The following GTF2F2 variants were observed in gnomAD, a reference collection of about 807,000 sequenced individuals.
GTF2F2 encodes ATP-dependent helicase GTF2F2.
In GTF2F2, 23 loss-of-function variants were observed where a neutral mutation model predicts 42.2. The ratio of observed to expected loss-of-function variants is 0.55; its 90% confidence interval spans 0.39 to 0.77. The LOEUF is 0.77. Among genes scored for constraint, GTF2F2 ranks in the 30% least tolerant of loss-of-function variants. The pLI is 0.00. For synonymous variants in GTF2F2, 105 were observed against 100.8 expected (o/e 1.04, Z -0.25); for missense variants, 261 against 287.2 (o/e 0.91, Z 0.66).
At chr13:45,150,183 CT>C (rs1566114882) in intron 3 of GTF2F2, among the ~76,000 whole-genome samples, 1 of 152,130 alleles carries the variant, frequency 6.6e-6, no homozygotes, top group Non-Finnish European at 1.5e-5. Context: ...TTAATAAATA[CT>C]TCATAATCTT....
intron 1 of GTF2F2, chr13:45,123,491 T>G (rs1194565541): frequency 6.6e-6 from 1 of 152,032 alleles, no homozygotes; most frequent in Admixed American, 6.6e-5. Context: ...TAGCTGGGCG[T>G]GGTGGTGTAC....
At chr13:45,275,018 A>C (rs1593531149) in intron 7 of GTF2F2, among the ~76,000 whole-genome samples, 2 of 152,210 alleles carry the variant, frequency 1.3e-5, no homozygotes, top group African/African-American at 4.8e-5. Flanking sequence ...AAGAAACTTC[A>C]TACCCATTAC....
intron 6 of GTF2F2, among the ~76,000 whole-genome samples, chr13:45,259,815 A>C (rs532769231): frequency 3.0e-4 from 46 of 151,806 alleles, no homozygotes; most frequent in African/African-American, 1.0e-3. Context: ...CCGCCACCAC[A>C]CCTGGCCAAT....
At chr13:45,153,968 C>G (rs1215844966) in intron 4 of GTF2F2, among the ~76,000 whole-genome samples, 3 of 122,956 alleles carry the variant, frequency 2.4e-5, no homozygotes, top group Non-Finnish European at 4.8e-5. Flanking sequence ...CAGAGGGAGA[C>G]TCAGTCTCAA....
chr13:45,175,453 C>T (rs1004300418), intron 4 of GTF2F2, among the ~76,000 whole-genome samples: 1 of 152,162 alleles, frequency 6.6e-6, no homozygotes, highest in Non-Finnish European at 1.5e-5. Flanking sequence ...TGGATATACA[C>T]CCAGTAGTGG....
intron 4 of GTF2F2, among the ~76,000 whole-genome samples, chr13:45,153,519 T>C (rs1382704596): frequency 1.3e-5 from 2 of 152,176 alleles, no homozygotes; most frequent in African/African-American, 4.8e-5. Flanking sequence ...AGGCAGAAAA[T>C]GTTAAAGTAA....
intron 1 of GTF2F2, among the ~76,000 whole-genome samples, chr13:45,126,989 A>G (rs1869040664): frequency 6.6e-6 from 1 of 152,200 alleles, no homozygotes; most frequent in Non-Finnish European, 1.5e-5. Context: ...TAACACAGAT[A>G]CATCGTAAGT....
chr13:45,153,794 A>G (rs1323616924), intron 4 of GTF2F2, among the ~76,000 whole-genome samples: 1 of 151,936 alleles, frequency 6.6e-6, no homozygotes, highest in African/African-American at 2.4e-5. Flanking sequence ...CCAGGCCAAC[A>G]TGGTGAAACC....
At chr13:45,135,377 A>G (rs1413202254) in intron 1 of GTF2F2, among the ~76,000 whole-genome samples, 3 of 152,094 alleles carry the variant, frequency 2.0e-5, no homozygotes, top group Non-Finnish European at 4.4e-5. Context: ...CTCCTGCCTC[A>G]GCCTCCTGAG....
At chr13:45,162,001 A>G (rs988559922) in intron 4 of GTF2F2, among the ~76,000 whole-genome samples, 1 of 152,212 alleles carries the variant, frequency 6.6e-6, no homozygotes, top group Admixed American at 6.5e-5. Context: ...GATAGTAAAT[A>G]CAACCTGTCT....
chr13:45,278,816 C>CTTTTTCTT (rs1373556965), intron 7 of GTF2F2, among the ~76,000 whole-genome samples: 54 of 62,320 alleles, frequency 8.7e-4, no homozygotes, highest in Admixed American at 1.3e-3. Flanking sequence ...TTTTCTTTTT[C>CTTTTTCTT]TTTTTTTTTT....
chr13:45,266,647 G>A (rs1876572341), intron 6 of GTF2F2, among the ~76,000 whole-genome samples: 2 of 152,220 alleles, frequency 1.3e-5, no homozygotes, highest in African/African-American at 4.8e-5. Flanking sequence ...AATTGATACA[G>A]TTTTGGCAAA....
Position 45,181,599 on chromosome 13 carries a change from G to A in GTF2F2, c.305-25825G>A, listed in dbSNP as rs543730668. The stretch of plus-strand genomic sequence containing the variant: ...AAAAACAATTAGTATGTATTTAGAA[G>A]TAAATATAAAATAAATCTATTAACC... On this transcript the variant is annotated intron_variant, in intron 4 of 7. Transcript: ENST00000340473. 9.9e-5 allele frequency among the ~76,000 whole-genome samples: 15 copies of A among 152,176 alleles called. No homozygotes were observed. In the South Asian group the frequency reaches 3.1e-3, roughly 32 times the overall value.
chr13:45,232,446 G>A (rs1186527476), intron 5 of GTF2F2, among the ~76,000 whole-genome samples: 1 of 152,050 alleles, frequency 6.6e-6, no homozygotes. Context: ...GGGTAACACA[G>A]TGAGATCTTG....
Position 45,149,775 on chromosome 13 carries a change from A to C in GTF2F2, c.146A>C (p.Gln49Pro). Reference protein sequence around the residue: ...EVGKLRIAKTQGRTEVSFTLN... With the variant: ...EVGKLRIAKTPGRTEVSFTLN... ...TTTCTTTTCCTCTCCTTTAGGACTC[A>C]AGGAAGGACTGAGGTAAGATTATTT... Residue 49 changes from glutamine (Q) to proline (P), a missense_variant, in exon 3 of 8, where the codon CAA (glutamine) becomes CCA (proline). Physicochemically the swap from Gln to Pro is moderately conservative, Grantham distance 76 (BLOSUM62 -1). Transcript: ENST00000340473. 3 of 1,510,212 alleles carry C rather than the reference A, an allele frequency of 2.0e-6. No individual in the cohort carries two copies. Among genetic ancestry groups the C allele is most frequent in the Non-Finnish European group, 2.7e-6 (3 of 1,122,306 alleles). 93.6% of individuals were successfully genotyped at this position (1,510,212 alleles called of 1,614,324 possible).
intron 2 of GTF2F2, among the ~76,000 whole-genome samples, chr13:45,143,738 G>T (rs533831225): frequency 6.6e-6 from 1 of 152,226 alleles, no homozygotes; most frequent in African/African-American, 2.4e-5. Context: ...GGGAAAAGAC[G>T]TGCAGCCTGG....
intron 4 of GTF2F2, among the ~76,000 whole-genome samples, chr13:45,169,985 A>G (rs1871512682): frequency 6.6e-6 from 1 of 152,176 alleles, no homozygotes; most frequent in African/African-American, 2.4e-5. Flanking sequence ...TAGTTCCAAC[A>G]TTTATTTTAT....
At chr13:45,190,708 G>T (rs1872581301) in intron 4 of GTF2F2, among the ~76,000 whole-genome samples, 2 of 152,008 alleles carry the variant, frequency 1.3e-5, no homozygotes, top group Admixed American at 1.3e-4. Context: ...CACCCTAAAA[G>T]TAAGTAACAT....
intron 1 of GTF2F2, among the ~76,000 whole-genome samples, chr13:45,129,519 T>G (rs1462501350): frequency 1.3e-5 from 2 of 152,338 alleles, no homozygotes; most frequent in East Asian, 3.9e-4. Flanking sequence ...CCTTCCCCCT[T>G]ATTTTAAGGT....
Sources: gnomAD v4.1 joint callset for allele counts (sites outside exome capture counted in the v4.1 genomes callset) on GRCh38, gnomAD v4.1.1 for gene constraint, MANE v1.5 for transcripts, NCBI Gene and HGNC (gene_info 2026-07-23, HGNC 2026-07-21) for gene names.